The following GRIK1 variants were observed in gnomAD, a reference collection of about 807,000 sequenced individuals.
GRIK1 encodes the protein glutamate receptor ionotropic, kainate 1.
Under a neutral mutation model 105.7 loss-of-function variants are expected in GRIK1, and 69 were observed. That is an observed-to-expected ratio of 0.65 (90% confidence interval 0.54 to 0.80). The LOEUF is 0.80. Ranked by LOEUF, GRIK1 falls within the 30% of genes least tolerant of loss-of-function variation. GRIK1 has a pLI of 0.00. For missense variants in GRIK1, 1,109 were observed against 1,167.3 expected, an observed-to-expected ratio of 0.95 and a Z score of 0.73; for synonymous variants, 438 against 431.3, an observed-to-expected ratio of 1.02 and a Z score of -0.19.
intron 1 of GRIK1, among the ~76,000 whole-genome samples, chr21:29,730,664 T>G (rs992703476): frequency 6.6e-6 from 1 of 152,194 alleles, no homozygotes; most frequent in African/African-American, 2.4e-5. Context: ...CTTCTCTTCC[T>G]CAGCCTGCTC....
At chr21:29,640,500 C>G (rs967221745) in intron 7 of GRIK1, among the ~76,000 whole-genome samples, 19 of 152,152 alleles carry the variant, frequency 1.2e-4, no homozygotes. Flanking sequence ...CTTCCTGTAA[C>G]CCCTAACTGT....
chr21:29,541,573 G>GTTTTTTTTTTTTTTTTT (rs1202014711), intron 16 of GRIK1, among the ~76,000 whole-genome samples: 6 of 83,732 alleles, frequency 7.2e-5, no homozygotes, highest in East Asian at 4.7e-4. Context: ...TGCACTCACG[G>GTTTTTTTTTTTTTTTTT]TCTTTTTTTT....
intron 1 of GRIK1, among the ~76,000 whole-genome samples, chr21:29,794,195 A>G (rs1436637198): frequency 6.6e-6 from 1 of 152,168 alleles, no homozygotes; most frequent in African/African-American, 2.4e-5. Flanking sequence ...CAGACATTTC[A>G]TAATGATCAA....
intron 1 of GRIK1, among the ~76,000 whole-genome samples, chr21:29,896,336 A>G (rs1000966488): frequency 7.2e-5 from 11 of 152,130 alleles, no homozygotes; most frequent in African/African-American, 1.9e-4. Context: ...TCACACTGCA[A>G]TATTTTCCTT....
At chr21:29,855,769 G>A (rs1045685926) in intron 1 of GRIK1, among the ~76,000 whole-genome samples, 2 of 152,140 alleles carry the variant, frequency 1.3e-5, no homozygotes, top group Non-Finnish European at 2.9e-5. Context: ...CAACCCAGAT[G>A]AGAGGATGGT....
chr21:29,850,663 G>T (rs934950827), intron 1 of GRIK1, among the ~76,000 whole-genome samples: 1 of 152,168 alleles, frequency 6.6e-6, no homozygotes, highest in African/African-American at 2.4e-5. Flanking sequence ...TCTGGACTCT[G>T]CCAGTTCCTT....
chr21:29,881,007 TG>T (rs1271988624), intron 1 of GRIK1, among the ~76,000 whole-genome samples: 1 of 152,148 alleles, frequency 6.6e-6, no homozygotes, highest in East Asian at 1.9e-4. Flanking sequence ...TAATTTGTTT[TG>T]AGAAGCACCC....
chr21:29,642,859 G>A lies in GRIK1; in HGVS notation c.1065C>T (p.Arg355=), dbSNP rs1288693564. Residue 355 remains arginine (R), a synonymous_variant, in exon 7 of 18, where the codon CGC becomes CGT. Coordinates refer to ENST00000327783, the MANE Select transcript of GRIK1 (RefSeq NM_001330994.2). ...SLQCHRHKPW[R]LGPRFMNLIK... ...TCAGGTTCATAAATCTGGGTCCGAG[G>A]CGCCATGGCTTATGTCTATGGCACT... The A allele has an allele frequency of 4.3e-6, 7 of 1,614,018 alleles. No homozygotes were observed. In the Admixed American group the frequency reaches 8.3e-5, roughly 19 times the overall value.
intron 1 of GRIK1, among the ~76,000 whole-genome samples, chr21:29,762,260 G>A (rs987632305): frequency 1.3e-5 from 2 of 152,126 alleles, no homozygotes; most frequent in African/African-American, 2.4e-5. Context: ...TTCCAGGAAG[G>A]CATCATCATC....
At chr21:29,858,323 G>A (rs1049017772) in intron 1 of GRIK1, among the ~76,000 whole-genome samples, 6 of 152,136 alleles carry the variant, frequency 3.9e-5, no homozygotes, top group Admixed American at 6.5e-5. Context: ...CAATAGTGAC[G>A]TTTGCCCATG....
At chr21:29,841,042 T>C (rs974339666) in intron 1 of GRIK1, among the ~76,000 whole-genome samples, 9 of 152,204 alleles carry the variant, frequency 5.9e-5, no homozygotes, top group African/African-American at 2.2e-4. Context: ...AAACCATATG[T>C]AATATTTAGC....
intron 1 of GRIK1, among the ~76,000 whole-genome samples, chr21:29,905,624 T>TC (rs1231521606): frequency 3.2e-5 from 3 of 92,484 alleles, no homozygotes; most frequent in African/African-American, 5.4e-5. Flanking sequence ...TTTGTATTTT[T>TC]TTTTTTTTTT....
intron 7 of GRIK1, among the ~76,000 whole-genome samples, chr21:29,641,048 G>C (rs947042102): frequency 6.6e-6 from 1 of 152,146 alleles, no homozygotes; most frequent in Non-Finnish European, 1.5e-5. Flanking sequence ...ATGCTTACTA[G>C]GTTTCTGAAC....
intron 1 of GRIK1, among the ~76,000 whole-genome samples, chr21:29,837,220 G>A (rs536583572): frequency 6.6e-6 from 1 of 152,292 alleles, no homozygotes; most frequent in Admixed American, 6.5e-5. Context: ...AAGGAGAGTT[G>A]TTAGAGTTCA....
intron 1 of GRIK1, among the ~76,000 whole-genome samples, chr21:29,894,497 T>C (rs112239949): frequency 7.0e-4 from 106 of 152,334 alleles, no homozygotes; most frequent in African/African-American, 2.1e-3. Flanking sequence ...GCCTGCTTTA[T>C]TCTAGCTGCA....
chr21:29,862,145 C>T (rs889725572), intron 1 of GRIK1, among the ~76,000 whole-genome samples: 1 of 152,100 alleles, frequency 6.6e-6, no homozygotes, highest in Non-Finnish European at 1.5e-5. Context: ...CACCACCAGG[C>T]CTGGCTAATT....
intron 1 of GRIK1, among the ~76,000 whole-genome samples, chr21:29,876,203 T>G (rs989272439): frequency 1.3e-5 from 2 of 151,838 alleles, no homozygotes; most frequent in Non-Finnish European, 2.9e-5. Context: ...CTGGATCTAG[T>G]TTTTTTAATA....
chr21:29,780,384 A>G (rs759495032), intron 1 of GRIK1, among the ~76,000 whole-genome samples: 13 of 152,242 alleles, frequency 8.5e-5, no homozygotes, highest in Non-Finnish European at 1.8e-4. Context: ...ATATTTACAA[A>G]GATGGTAAAA....
intron 7 of GRIK1, among the ~76,000 whole-genome samples, chr21:29,631,537 T>A (rs1707084985): frequency 6.6e-6 from 1 of 152,232 alleles, no homozygotes; most frequent in African/African-American, 2.4e-5. Flanking sequence ...GCCTTTTGTT[T>A]AAGCCACCCA....
Sources: gnomAD v4.1 joint callset for allele counts (sites outside exome capture counted in the v4.1 genomes callset) on GRCh38, gnomAD v4.1.1 for gene constraint, MANE v1.5 for transcripts, NCBI Gene and HGNC (gene_info 2026-07-23, HGNC 2026-07-21) for gene names.